BTBD7: variants seen among roughly 807,000 people sequenced by gnomAD.
BTBD7 encodes BTB/POZ domain-containing protein 7.
BTBD7 carries 38 observed loss-of-function variants against 99.9 expected under a neutral mutation model. The ratio of observed to expected loss-of-function variants is 0.38; its 90% CI spans 0.29 to 0.50. The LOEUF is 0.50. Among genes scored for constraint, BTBD7 ranks in the 20% least tolerant of loss-of-function variants. BTBD7 has a pLI of 0.93. For synonymous variants in BTBD7, 520 were observed against 511.4 expected, an observed-to-expected ratio of 1.02 and a Z score of -0.23; for missense variants, 1,170 against 1,394.6, an observed-to-expected ratio of 0.84 and a Z score of 2.57.
At chr14:93,275,422 A>G (rs576913779) in intron 3 of BTBD7, among the ~76,000 whole-genome samples, 10 of 152,336 alleles carry the variant, frequency 6.6e-5, no homozygotes, top group Non-Finnish European at 1.3e-4. Context: ...AAATTTTTAA[A>G]GTTGTAGTTT....
At chr14:93,307,007 GTT>G (rs2053077696) in intron 1 of BTBD7, among the ~76,000 whole-genome samples, 1 of 152,128 alleles carries the variant, frequency 6.6e-6, no homozygotes, top group African/African-American at 2.4e-5. Context: ...AGAGGAAAAG[GTT>G]ATGTCTTCTA....
intron 1 of BTBD7, among the ~76,000 whole-genome samples, chr14:93,323,773 A>C (rs1257055316): frequency 6.6e-6 from 1 of 152,198 alleles, no homozygotes; most frequent in African/African-American, 2.4e-5. Context: ...TTCCATTTTT[A>C]CTTTAAAGAC....
At chr14:93,287,007 C>T (rs1216314312) in intron 3 of BTBD7, among the ~76,000 whole-genome samples, 2 of 142,878 alleles carry the variant, frequency 1.4e-5, no homozygotes, top group Non-Finnish European at 3.0e-5. Flanking sequence ...GCGGGTGGAT[C>T]ACCTGAGGTC....
intron 3 of BTBD7, among the ~76,000 whole-genome samples, chr14:93,286,021 C>T (rs891302020): frequency 6.6e-6 from 1 of 152,124 alleles, no homozygotes; most frequent in African/African-American, 2.4e-5. Flanking sequence ...CCCTGAGTTG[C>T]CTGGGACCCT....
chr14:93,283,655 A>G (rs2052745945), intron 3 of BTBD7, among the ~76,000 whole-genome samples: 1 of 152,116 alleles, frequency 6.6e-6, no homozygotes, highest in East Asian at 1.9e-4. Flanking sequence ...TGGTTCAAGC[A>G]ATTTTCATGC....
intron 6 of BTBD7, 90 bp from the exon 7 acceptor site, chr14:93,253,880 AT>A (rs2052398735): frequency 1.8e-6 from 1 of 562,704 alleles, no homozygotes; most frequent in Non-Finnish European, 2.7e-6. Context: ...ATAAATAAAA[AT>A]ATGCAAACTT....
intron 3 of BTBD7, among the ~76,000 whole-genome samples, chr14:93,291,953 G>A (rs779276906): frequency 2.6e-5 from 4 of 152,308 alleles, no homozygotes; most frequent in South Asian, 2.1e-4. Context: ...TTGGGAGGCC[G>A]AGGCAGGTGG....
intron 4 of BTBD7, among the ~76,000 whole-genome samples, chr14:93,263,537 ATCTCTTTTTG>A (rs2052511742): frequency 6.6e-6 from 1 of 152,066 alleles, no homozygotes; most frequent in Admixed American, 6.6e-5. Flanking sequence ...TACTGCCCCA[ATCTCTTTTTG>A]GTGCATTTGG....
chr14:93,292,034 G>T (rs2052862584), intron 3 of BTBD7, among the ~76,000 whole-genome samples: 1 of 151,904 alleles, frequency 6.6e-6, no homozygotes, highest in East Asian at 1.9e-4. Flanking sequence ...TAAAAATACA[G>T]AAATTAGCTG....
chr14:93,305,188 A>G (rs925346373), intron 1 of BTBD7, among the ~76,000 whole-genome samples: 2 of 152,244 alleles, frequency 1.3e-5, no homozygotes, highest in African/African-American at 4.8e-5. Flanking sequence ...CCATTACTTT[A>G]AATTTTCAGT....
intron 1 of BTBD7, among the ~76,000 whole-genome samples, chr14:93,298,924 G>T (rs960656751): frequency 1.6e-4 from 24 of 152,326 alleles, no homozygotes; most frequent in African/African-American, 5.8e-4. Flanking sequence ...TAGCTGCTGG[G>T]ATAGCTGGGG....
chr14:93,274,847 G>A (rs1156723477), intron 3 of BTBD7, among the ~76,000 whole-genome samples: 1 of 152,146 alleles, frequency 6.6e-6, no homozygotes, highest in Non-Finnish European at 1.5e-5. Flanking sequence ...CTAGATTTTG[G>A]TCAAACTAAT....
At chr14:93,315,951 C>CTT (rs35850952) in intron 1 of BTBD7, among the ~76,000 whole-genome samples, 3 of 124,882 alleles carry the variant, frequency 2.4e-5, no homozygotes, top group Non-Finnish European at 5.1e-5. Context: ...CAAAATGTAT[C>CTT]TTTTTTTTTT....
At chr14:93,304,168 C>A (rs2053041110) in intron 1 of BTBD7, among the ~76,000 whole-genome samples, 2 of 152,186 alleles carry the variant, frequency 1.3e-5, no homozygotes, top group African/African-American at 4.8e-5. Flanking sequence ...CCATTTGGAG[C>A]CTCTGTGTTT....
intron 1 of BTBD7, among the ~76,000 whole-genome samples, chr14:93,325,056 G>A (rs2053312696): frequency 6.6e-6 from 1 of 150,538 alleles, no homozygotes; most frequent in Admixed American, 6.6e-5. Context: ...GGACTTTATC[G>A]ACAAGGGAAG....
chr14:93,323,126 A>G (rs1267731984), intron 1 of BTBD7, among the ~76,000 whole-genome samples: 3 of 152,022 alleles, frequency 2.0e-5, no homozygotes, highest in South Asian at 4.2e-4. Flanking sequence ...CTGTCTCTTA[A>G]AAAAAACAAA....
intron 10 of BTBD7, among the ~76,000 whole-genome samples, chr14:93,245,310 G>A (rs2052291818): frequency 6.6e-6 from 1 of 152,236 alleles, no homozygotes; most frequent in Admixed American, 6.5e-5. Context: ...ATGAGCTTCA[G>A]AGGCAGAGGC....
chr14:93,289,454 G>A (rs1235630141), intron 3 of BTBD7, among the ~76,000 whole-genome samples: 2 of 152,172 alleles, frequency 1.3e-5, no homozygotes, highest in East Asian at 3.9e-4. Context: ...TCTAACAGGT[G>A]AACTGCCTCA....
At chr14:93,296,309 A>G (rs755869281) in intron 1 of BTBD7, among the ~76,000 whole-genome samples, 152 bp from the exon 2 acceptor site, 1 of 152,202 alleles carries the variant, frequency 6.6e-6, no homozygotes, top group Non-Finnish European at 1.5e-5. Context: ...GTAAATCTTT[A>G]AGCTTGAATT....
Sources: allele counts gnomAD v4.1 joint callset (sites outside exome capture counted in the v4.1 genomes callset), GRCh38; gene constraint gnomAD v4.1.1; transcripts MANE v1.5; gene names NCBI Gene and HGNC (gene_info 2026-07-23, HGNC 2026-07-21).